CAMTA1: variants seen among roughly 807,000 people sequenced by gnomAD.
The protein encoded by CAMTA1 is calmodulin binding transcription activator 1, also known as calmodulin-binding transcription activator 1.
Under a neutral mutation model 170.9 loss-of-function variants are expected in CAMTA1, and 27 were observed. The ratio of observed to expected loss-of-function variants is 0.16; its 90% CI spans 0.12 to 0.22. CAMTA1 has a LOEUF of 0.22. Ranked by LOEUF, CAMTA1 falls within the 10% of genes least tolerant of loss-of-function variation. The probability of loss-of-function intolerance (pLI) is 1.00; values close to 1 mark genes in which losing one functional copy is unlikely to be tolerated. For synonymous variants in CAMTA1, 833 were observed against 891.5 expected, an observed-to-expected ratio of 0.93 and a Z score of 1.17; for missense variants, 1,619 against 2,217.2, an observed-to-expected ratio of 0.73 and a Z score of 5.42.
rs987326898 is a variant in CAMTA1, at chr1:6,865,316, C to T, written c.234+40106C>T. Among the ~76,000 whole-genome samples, 4 of 152,160 alleles carry T rather than the reference C, an allele frequency of 2.6e-5. 1 individual carries two copies. The highest frequency in any genetic ancestry group is 5.9e-5 in the Non-Finnish European group (4 of 68,016). ...TGCCACTCCTGAGGGCCCATTCATTCATTCTCTCATTCACCAGACAGTTAC... is the reference window on the plus strand; with the variant it reads ...TGCCACTCCTGAGGGCCCATTCATTTATTCTCTCATTCACCAGACAGTTAC... On this transcript the variant is annotated intron_variant, in intron 3 of 22. Coordinates refer to ENST00000303635, the MANE Select transcript of CAMTA1 (RefSeq NM_015215.4).
At chr1:6,815,847 A>G (rs1469874022) in intron 1 of CAMTA1, among the ~76,000 whole-genome samples, 3 of 152,176 alleles carry the variant, frequency 2.0e-5, no homozygotes, top group Admixed American at 2.0e-4. Context: ...CAGAACTTGC[A>G]TTGAAAGAAG....
In CAMTA1 at chr1:6,900,085, T is replaced by A. The variant is rs561254629; in HGVS notation, c.234+74875T>A. Among the ~76,000 whole-genome samples the A allele has an allele frequency of 2.6e-5, 4 of 152,324 alleles. No homozygotes were observed. The South Asian group carries it at 8.3e-4, about 32-fold the overall frequency. On this transcript the variant is annotated intron_variant, in intron 3 of 22. Coordinates refer to ENST00000303635, the MANE Select transcript of CAMTA1 (RefSeq NM_015215.4). ...GTCACATGTGAAATCCAGAGTTTGT[T>A]TACCAGGCTGAAAGAGATCACTTTA...
At chr1:6,877,965 A>G (rs1670410512) in intron 3 of CAMTA1, among the ~76,000 whole-genome samples, 1 of 152,258 alleles carries the variant, frequency 6.6e-6, no homozygotes, top group Non-Finnish European at 1.5e-5. Context: ...CTCAGCAAAC[A>G]TTAACTGTCT....
intron 11 of CAMTA1, among the ~76,000 whole-genome samples, chr1:7,691,929 G>A (rs993895013): frequency 4.2e-5 from 6 of 143,130 alleles, no homozygotes; most frequent in East Asian, 2.4e-4. Flanking sequence ...GTAGGGTCTC[G>A]ATGAAGGTTT....
intron 21 of CAMTA1, 30 bp downstream of exon 21, chr1:7,752,563 T>G: frequency 6.5e-7 from 1 of 1,538,698 alleles, no homozygotes; most frequent in Non-Finnish European, 8.8e-7. Flanking sequence ...TACATTCTGC[T>G]CAGGGAGAAT....
At chr1:7,178,068 G>T (rs955175959) in intron 4 of CAMTA1, among the ~76,000 whole-genome samples, 5 of 152,028 alleles carry the variant, frequency 3.3e-5, no homozygotes, top group Non-Finnish European at 5.9e-5. Flanking sequence ...ACATGCCAAA[G>T]CCCCTCCCAC....
intron 5 of CAMTA1, among the ~76,000 whole-genome samples, chr1:7,362,799 A>T (rs34712506): frequency 0.64 from 96,202 of 151,168 alleles, 32,099 homozygotes; most frequent in Middle Eastern, 0.75. Flanking sequence ...AGACTTGAAT[A>T]GACTGAGTAG....
At chr1:7,171,413 C>G (rs1317624032) in intron 4 of CAMTA1, among the ~76,000 whole-genome samples, 1 of 152,190 alleles carries the variant, frequency 6.6e-6, no homozygotes, top group African/African-American at 2.4e-5. Context: ...CTCTTTCCAG[C>G]CCTGCTCAAA....
intron 4 of CAMTA1, among the ~76,000 whole-genome samples, chr1:7,189,709 A>G (rs959956319): frequency 6.6e-6 from 1 of 152,266 alleles, no homozygotes; most frequent in Non-Finnish European, 1.5e-5. Context: ...TACAACCACT[A>G]TGGAAAGCAG....
intron 6 of CAMTA1, among the ~76,000 whole-genome samples, chr1:7,598,848 C>T (rs2095420088): frequency 1.3e-5 from 2 of 152,168 alleles, no homozygotes; most frequent in South Asian, 4.1e-4. Flanking sequence ...AGCCCTTTGT[C>T]AGATGAGTAG....
intron 6 of CAMTA1, among the ~76,000 whole-genome samples, chr1:7,548,035 C>A (rs1207874496): frequency 1.3e-5 from 2 of 152,150 alleles, no homozygotes; most frequent in African/African-American, 4.8e-5. Context: ...TATGCTGGCC[C>A]CGACTTAAGA....
chr1:7,271,000 T>C (rs2412148), intron 5 of CAMTA1, among the ~76,000 whole-genome samples: 123,825 of 152,104 alleles, frequency 0.81, 50,790 homozygotes, highest in Admixed American at 0.87. Context: ...AAAAAGAAAA[T>C]GAAACCCAAA....
At chr1:6,869,963 C>G (rs1298809511) in intron 3 of CAMTA1, among the ~76,000 whole-genome samples, 1 of 152,140 alleles carries the variant, frequency 6.6e-6, no homozygotes, top group Non-Finnish European at 1.5e-5. Flanking sequence ...AAAAAAGCAT[C>G]TGTGAATACT....
Position 7,670,973 on chromosome 1 carries a change from G to C in CAMTA1, c.2715G>C (p.Leu905=), listed in dbSNP as rs1361219570. Residue 905 remains leucine (L), a synonymous_variant, in exon 10 of 23, where the codon CTG becomes CTC. Coordinates refer to ENST00000303635, the MANE Select transcript of CAMTA1 (RefSeq NM_015215.4). ...WQEASNNYSC[L]FDQISVPASL... ...AAGCCAGCAATAACTACAGCTGCCT[G>C]TTTGACCAGATCTCAGTGCCTGCAT... 6.2e-7 allele frequency: 1 copy of C among 1,613,738 alleles called. No homozygotes were observed. Among genetic ancestry groups the C allele is most frequent in the African/African-American group, 1.3e-5 (1 of 74,924 alleles).
intron 3 of CAMTA1, among the ~76,000 whole-genome samples, chr1:6,980,932 C>T (rs1694332896): frequency 6.6e-6 from 1 of 152,154 alleles, no homozygotes; most frequent in Non-Finnish European, 1.5e-5. Context: ...GAGCCTAGAG[C>T]CTTGGGCTTC....
At chr1:7,464,991 C>T (rs939326721) in intron 5 of CAMTA1, among the ~76,000 whole-genome samples, 5 of 152,174 alleles carry the variant, frequency 3.3e-5, no homozygotes, top group African/African-American at 9.7e-5. Context: ...GACAGCAAAG[C>T]GCGACTCCAC....
At chr1:7,145,350 T>C (rs754961767) in intron 4 of CAMTA1, among the ~76,000 whole-genome samples, 10 of 152,238 alleles carry the variant, frequency 6.6e-5, no homozygotes, top group Non-Finnish European at 1.5e-5. Context: ...TTATGGAAAC[T>C]ACTAAAGACT....
At chr1:7,185,968 A>T (rs576147983) in intron 4 of CAMTA1, among the ~76,000 whole-genome samples, 1 of 152,342 alleles carries the variant, frequency 6.6e-6, no homozygotes, top group African/African-American at 2.4e-5. Context: ...CAAGGGCTTT[A>T]TAGGACGCTT....
intron 3 of CAMTA1, among the ~76,000 whole-genome samples, chr1:7,075,211 G>C (rs1471650954): frequency 6.6e-6 from 1 of 152,136 alleles, no homozygotes; most frequent in Non-Finnish European, 1.5e-5. Context: ...GTGTCCAAGG[G>C]TAGAAAGAAG....
Sources: allele counts gnomAD v4.1 joint callset (sites outside exome capture counted in the v4.1 genomes callset), GRCh38; gene constraint gnomAD v4.1.1; transcripts MANE v1.5; gene names NCBI Gene and HGNC (gene_info 2026-07-23, HGNC 2026-07-21).